Variants in REV3L observed in about 807,000 individuals in gnomAD.
REV3L encodes the protein DNA polymerase zeta catalytic subunit.
In REV3L, 69 loss-of-function variants were observed where a neutral mutation model predicts 299.4. The ratio of observed to expected loss-of-function variants is 0.23; its 90% CI spans 0.19 to 0.28. The LOEUF is 0.28. REV3L is among the 10% of genes least tolerant of loss of function. REV3L has a pLI of 1.00. For synonymous variants in REV3L, 1,238 were observed against 1,271.4 expected, an observed-to-expected ratio of 0.97 and a Z score of 0.56; for missense variants, 3,128 against 3,693.8, an observed-to-expected ratio of 0.85 and a Z score of 3.97.
chr6:111,299,804 G>C lies in REV3L; in HGVS notation c.*212C>G. 1 of 386,642 alleles carries C rather than the reference G, an allele frequency of 2.6e-6. No individual in the cohort carries two copies. The highest frequency in any genetic ancestry group is 4.6e-6 in the Non-Finnish European group (1 of 218,744). 24.0% of individuals were successfully genotyped at this position (386,642 alleles called of 1,614,324 possible). On this transcript the variant is annotated 3_prime_UTR_variant, in exon 32 of 32. Coordinates refer to ENST00000368802, the MANE Select transcript of REV3L (RefSeq NM_001372078.1). ...TGCATTATAAAACAATGTTTAAAAGGTGACAGAATGAGGAATTTGTACATT... is the reference window on the plus strand; with the variant it reads ...TGCATTATAAAACAATGTTTAAAAGCTGACAGAATGAGGAATTTGTACATT...
intron 20 of REV3L, 63 bp downstream of exon 20, chr6:111,349,155 G>A: frequency 2.3e-6 from 2 of 861,060 alleles, no homozygotes; most frequent in Non-Finnish European, 3.9e-6. Context: ...ACTCTATAAT[G>A]ATTAAATCAT....
At chr6:111,411,598 G>A (rs537492369) in intron 2 of REV3L, 44 bp from the exon 3 acceptor site, 2 of 1,262,130 alleles carry the variant, frequency 1.6e-6, no homozygotes, top group East Asian at 5.0e-5. Context: ...TCATAATTCA[G>A]AGATGAAATA....
chr6:111,352,498 C>T (rs1166013938), intron 18 of REV3L, among the ~76,000 whole-genome samples: 2 of 151,912 alleles, frequency 1.3e-5, no homozygotes, highest in Admixed American at 1.3e-4. Context: ...TGAAAAAGAT[C>T]CCTAGGTCAT....
intron 29 of REV3L, chr6:111,310,542 G>A (rs189743774): frequency 6.4e-6 from 1 of 155,414 alleles, no homozygotes; most frequent in East Asian, 1.9e-4. Context: ...CTACTTGGGA[G>A]GCTGATGTGG....
intron 25 of REV3L, among the ~76,000 whole-genome samples, chr6:111,325,276 A>G (rs780086010): frequency 3.3e-5 from 5 of 152,254 alleles, no homozygotes; most frequent in Non-Finnish European, 2.9e-5. Context: ...TACCTTTATC[A>G]TAAATATGAA....
At chr6:111,483,426 G>C (rs1028058681), upstream of REV3L, 2 of 435,304 alleles carry the variant, frequency 4.6e-6, no homozygotes, top group Non-Finnish European at 8.3e-6. Context: ...GCCCGCGCGG[G>C]ATCGATGACT....
intron 1 of REV3L, among the ~76,000 whole-genome samples, chr6:111,459,218 T>G (rs1170639951): frequency 6.6e-6 from 1 of 152,140 alleles, no homozygotes; most frequent in Non-Finnish European, 1.5e-5. Flanking sequence ...CTGGGATAAC[T>G]GGCTAGCCAT....
intron 1 of REV3L, among the ~76,000 whole-genome samples, chr6:111,469,710 CG>C (rs1253659466): frequency 6.6e-6 from 1 of 152,192 alleles, no homozygotes; most frequent in Non-Finnish European, 1.5e-5. Context: ...ACAACCAGTA[CG>C]GATTATCCAG....
chr6:111,326,228 T>G (rs1457565675), intron 25 of REV3L, among the ~76,000 whole-genome samples: 1 of 152,152 alleles, frequency 6.6e-6, no homozygotes, highest in Non-Finnish European at 1.5e-5. Flanking sequence ...ATTTGCAAAC[T>G]ACCCATCTAA....
chr6:111,318,093 CTTTTTT>C (rs531122236), intron 26 of REV3L, among the ~76,000 whole-genome samples: 1 of 145,426 alleles, frequency 6.9e-6, no homozygotes, highest in Non-Finnish European at 1.5e-5. Context: ...TTTCTTTTTT[CTTTTTT>C]TTTTTTGAGA....
At chr6:111,340,394 G>A (rs993827129) in intron 21 of REV3L, among the ~76,000 whole-genome samples, 1 of 151,948 alleles carries the variant, frequency 6.6e-6, no homozygotes, top group African/African-American at 2.4e-5. Flanking sequence ...CTAATCACAA[G>A]ACATTATTTT....
Position 111,482,996 on chromosome 6 carries a change from ACGGCCCCCTCCCCT to A in REV3L, c.-122_-109del, listed in dbSNP as rs1365428803. The A allele has an allele frequency of 2.3e-6, 3 of 1,306,168 alleles. No individual in the cohort carries two copies. The highest frequency in any genetic ancestry group is 3.0e-6 in the Non-Finnish European group (3 of 1,005,058). The allele number at this position is 1,306,168 out of a possible 1,614,324, so 80.9% of individuals were successfully genotyped here. The stretch of plus-strand genomic sequence containing the variant: ...GGCGGCGCCCCCTCCCCTTCTCGGC[ACGGCCCCCTCCCCT>A]CACACAGAGGCACCTCGAGGAGCGG... On this transcript the variant is annotated 5_prime_UTR_variant, in exon 1 of 32. Coordinates refer to ENST00000368802, the MANE Select transcript of REV3L (RefSeq NM_001372078.1).
At chr6:111,386,948 C>T (rs1781411735) in intron 9 of REV3L, among the ~76,000 whole-genome samples, 3 of 152,034 alleles carry the variant, frequency 2.0e-5, no homozygotes, top group Non-Finnish European at 4.4e-5. Context: ...TTGCCAACTC[C>T]TGACCTCAGG....
At position 111,372,802 on chromosome 6, in the gene REV3L, A is replaced by C. The variant is rs1441745762; in HGVS notation, c.5553T>G (p.Thr1851=). Residue 1851 remains threonine, a synonymous_variant, in exon 13 of 32, where the codon ACT becomes ACG. Transcript: ENST00000368802. ...TAGTAGATCTTGGTGAACTATCAGGAGTTGGTGTCAACATATCATTGTTTC... is the reference window on the plus strand; with the variant it reads ...TAGTAGATCTTGGTGAACTATCAGGCGTTGGTGTCAACATATCATTGTTTC... ...VSRNNDMLTP[T]PDSSPRSTSS... 6.2e-7 allele frequency: 1 copy of C among 1,613,424 alleles called. No homozygotes were observed. The highest frequency in any genetic ancestry group is 8.5e-7 in the Non-Finnish European group (1 of 1,179,706).
chr6:111,358,958 T>G lies in REV3L; in HGVS notation c.6936A>C (p.Leu2312Phe). Residue 2312 changes from leucine to phenylalanine, a missense_variant, in exon 17 of 32, where the codon TTA (leucine) becomes TTC (phenylalanine). Coordinates refer to ENST00000368802, the MANE Select transcript of REV3L (RefSeq NM_001372078.1). The stretch of plus-strand genomic sequence containing the variant: ...TTGGGTCAAATTCAGGATCCGGTTC[T>G]AAGTCTCGTCTAGTTCGAGCATGCA... ...VELHARTRRD[L>F]EPDPEFDPIC... 1 of 1,614,126 alleles carries G rather than the reference T, an allele frequency of 6.2e-7. No individual in the cohort carries two copies. The highest frequency in any genetic ancestry group is 8.5e-7 in the Non-Finnish European group (1 of 1,179,986).
intron 1 of REV3L, among the ~76,000 whole-genome samples, chr6:111,455,667 G>T (rs796729643): frequency 7.9e-5 from 12 of 152,236 alleles, no homozygotes; most frequent in African/African-American, 2.6e-4. Context: ...GAATGGACTT[G>T]AAAGTCCACA....
Position 111,421,520 on chromosome 6 carries a change from G to A in REV3L, c.140-5048C>T, listed in dbSNP as rs528529179. ...AATAAAACTTCATTTACAAAAACAC[G>A]CAACATGAGGGATTTGGCCCATGGA... On this transcript the variant is annotated intron_variant, in intron 1 of 31. Transcript: ENST00000368802. 1.6e-4 allele frequency among the ~76,000 whole-genome samples: 24 copies of A among 152,206 alleles called. No individual in the cohort carries two copies. The South Asian group carries it at 4.1e-3, about 26-fold the overall frequency.
At chr6:111,471,327 TAGCCA>T (rs1792180437) in intron 1 of REV3L, among the ~76,000 whole-genome samples, 1 of 152,088 alleles carries the variant, frequency 6.6e-6, no homozygotes, top group Non-Finnish European at 1.5e-5. Flanking sequence ...TTATAAAACA[TAGCCA>T]AATTTTTAAA....
chr6:111,349,133 A>G, intron 20 of REV3L, 85 bp downstream of exon 20: 1 of 709,946 alleles, frequency 1.4e-6, no homozygotes, highest in Non-Finnish European at 2.4e-6. Context: ...CTATATAGTA[A>G]ATCTTACTAA....
Sources: gnomAD v4.1 joint callset for allele counts (sites outside exome capture counted in the v4.1 genomes callset) on GRCh38, gnomAD v4.1.1 for gene constraint, MANE v1.5 for transcripts, NCBI Gene and HGNC (gene_info 2026-07-23, HGNC 2026-07-21) for gene names.